Variants in NEDD9 observed in about 807,000 individuals in gnomAD.
NEDD9 encodes the protein enhancer of filamentation 1.
In NEDD9, 26 loss-of-function variants were observed where a neutral mutation model predicts 76.6. The ratio of observed to expected loss-of-function variants is 0.34; its 90% CI spans 0.25 to 0.47. NEDD9 has a LOEUF of 0.47. Ranked by LOEUF, NEDD9 falls within the 20% of genes least tolerant of loss-of-function variation. NEDD9 has a pLI of 1.00. For synonymous variants in NEDD9, 392 were observed against 414.2 expected, an observed-to-expected ratio of 0.95 and a Z score of 0.65; for missense variants, 937 against 1,058.5, an observed-to-expected ratio of 0.89 and a Z score of 1.59.
At chr6:11,272,617 G>A (rs940965910) in intron 3 of NEDD9, among the ~76,000 whole-genome samples, 2 of 152,168 alleles carry the variant, frequency 1.3e-5, no homozygotes, top group African/African-American at 4.8e-5. Flanking sequence ...ATAGTAGAAG[G>A]TGTGTTTCCT....
chr6:11,284,555 G>C (rs1457818724), intron 3 of NEDD9, among the ~76,000 whole-genome samples: 1 of 151,670 alleles, frequency 6.6e-6, no homozygotes, highest in Non-Finnish European at 1.5e-5. Flanking sequence ...GACAGAGCAA[G>C]ACTCTGTCTC....
intron 3 of NEDD9, among the ~76,000 whole-genome samples, chr6:11,294,122 A>G (rs1362789186): frequency 6.6e-6 from 1 of 152,178 alleles, no homozygotes; most frequent in Non-Finnish European, 1.5e-5. Context: ...ATTGTGAATA[A>G]TGTTGTAATG....
intron 3 of NEDD9, chr6:11,259,184 C>G (rs1469756158): frequency 6.6e-6 from 1 of 152,198 alleles, no homozygotes; most frequent in Non-Finnish European, 1.5e-5. Context: ...TCGCTGATAA[C>G]CTTGCAGGGA....
At chr6:11,284,862 T>C (rs1339875232) in intron 3 of NEDD9, among the ~76,000 whole-genome samples, 1 of 151,608 alleles carries the variant, frequency 6.6e-6, no homozygotes, top group Admixed American at 6.6e-5. Context: ...TTAGTTCTTA[T>C]ATGACAAGAA....
intron 3 of NEDD9, among the ~76,000 whole-genome samples, chr6:11,264,092 G>A (rs1192208080): frequency 2.0e-5 from 3 of 152,242 alleles, no homozygotes; most frequent in Non-Finnish European, 4.4e-5. Context: ...TTCCCCGGAT[G>A]TGGAAGGCAG....
At chr6:11,360,476 T>C (rs917463516) in intron 1 of NEDD9, among the ~76,000 whole-genome samples, 2 of 152,152 alleles carry the variant, frequency 1.3e-5, no homozygotes, top group Non-Finnish European at 2.9e-5. Context: ...ATGTTGCAGG[T>C]GGGGCCTGGT....
intron 3 of NEDD9, among the ~76,000 whole-genome samples, chr6:11,300,060 C>T (rs1761007107): frequency 6.6e-6 from 1 of 152,174 alleles, no homozygotes; most frequent in Admixed American, 6.5e-5. Flanking sequence ...TAACAAACTT[C>T]TCTGAGCTAA....
chr6:11,260,075 A>T (rs1561809043), intron 3 of NEDD9, among the ~76,000 whole-genome samples: 1 of 152,198 alleles, frequency 6.6e-6, no homozygotes, highest in Non-Finnish European at 1.5e-5. Flanking sequence ...CTTTCTTTTA[A>T]AATACAAATA....
intron 3 of NEDD9, among the ~76,000 whole-genome samples, chr6:11,265,393 G>A (rs1007804816): frequency 3.3e-5 from 5 of 152,102 alleles, no homozygotes; most frequent in Non-Finnish European, 5.9e-5. Context: ...TGGTTTTCTC[G>A]ATGACTTGAA....
chr6:11,190,928 T>C lies in NEDD9; in HGVS notation c.941A>G (p.Asn314Ser), dbSNP rs1263653722. 6.2e-7 allele frequency: 1 copy of C among 1,614,066 alleles called. No individual in the cohort carries two copies. Among genetic ancestry groups the C allele is most frequent in the Non-Finnish European group, 8.5e-7 (1 of 1,180,014 alleles). The change falls in exon 5 of 7, where the codon AAC becomes AGC. Residue 314 changes from asparagine to serine, a missense_variant. By Grantham distance (46) the Asn-to-Ser change is conservative (BLOSUM62 1). Transcript: ENST00000379446. The surrounding 1 kb of genome is among the most constrained non-coding windows in gnomAD (Gnocchi z 5.8). ...PQLGQSVGSQNDAYDVPRGVQ... is the reference protein window; with the variant it reads ...PQLGQSVGSQSDAYDVPRGVQ... ...GCCTCGGGGGACATCATATGCGTCG[T>C]TCTGAGAGCCCACTGACTGTCCGAG...
chr6:11,208,582 A>G (rs361521), intron 2 of NEDD9, among the ~76,000 whole-genome samples: 35,604 of 152,204 alleles, frequency 0.23, 5,147 homozygotes, highest in South Asian at 0.45. Flanking sequence ...CTGGGCTGCT[A>G]TCTGTGGGCT....
intron 3 of NEDD9, among the ~76,000 whole-genome samples, chr6:11,280,717 G>C (rs1760519424): frequency 6.6e-6 from 1 of 152,228 alleles, no homozygotes; most frequent in African/African-American, 2.4e-5. Flanking sequence ...CTTGACTCCT[G>C]TTGGGGGCCC....
At chr6:11,294,868 C>T (rs1760855177) in intron 3 of NEDD9, among the ~76,000 whole-genome samples, 1 of 152,186 alleles carries the variant, frequency 6.6e-6, no homozygotes, top group South Asian at 2.1e-4. Context: ...ATAATTCCCA[C>T]ATGTTGTGAG....
chr6:11,347,538 A>G (rs571653345), intron 1 of NEDD9, among the ~76,000 whole-genome samples: 1 of 152,366 alleles, frequency 6.6e-6, no homozygotes, highest in Admixed American at 6.5e-5. Flanking sequence ...ACATTGATGC[A>G]TAAGCCCTCA....
chr6:11,368,333 A>G (rs1336587430), intron 1 of NEDD9, among the ~76,000 whole-genome samples: 1 of 152,274 alleles, frequency 6.6e-6, no homozygotes, highest in Non-Finnish European at 1.5e-5. Flanking sequence ...CTTCATTAGC[A>G]CAGAAAAATT....
Position 11,185,418 on chromosome 6 carries a change from A to T in NEDD9, c.2249T>A (p.Ile750Asn). ...GAACACCAGTTTGTGTGCACTGAGG[A>T]TGACAAACTTGCTGTGTGCCACGAA... Reference protein sequence around the residue: ...RIFVAHSKFVILSAHKLVFIG... With the variant: ...RIFVAHSKFVNLSAHKLVFIG... Residue 750 changes from isoleucine (I) to asparagine (N), a missense_variant, in exon 7 of 7, where the codon ATC (isoleucine) becomes AAC (asparagine). Ile to Asn is a moderately radical substitution (Grantham distance 149). Transcript: ENST00000379446. 6.2e-7 allele frequency: 1 copy of T among 1,614,216 alleles called. No individual in the cohort carries two copies. The highest frequency in any genetic ancestry group is 8.5e-7 in the Non-Finnish European group (1 of 1,180,038).
chr6:11,188,237 A>G lies in NEDD9; in HGVS notation c.1976T>C (p.Met659Thr). 6.2e-7 allele frequency: 1 copy of G among 1,614,124 alleles called. No individual in the cohort carries two copies. The highest frequency in any genetic ancestry group is 8.5e-7 in the Non-Finnish European group (1 of 1,179,978). The change falls in exon 6 of 7, where the codon ATG (methionine) becomes ACG (threonine). Residue 659 changes from methionine to threonine, a missense_variant. Coordinates refer to ENST00000379446, the MANE Select transcript of NEDD9 (RefSeq NM_006403.4). ...ACTTACCTGATGATGTTCCAGCTGC[A>G]TCTTGTTCTGTTTCATGATATTCTC... is the stretch of plus-strand genomic sequence containing the variant. ...EKENIMKQNK[M>T]QLEHHQLSQF...
chr6:11,209,510 A>T (rs1316118948), intron 2 of NEDD9, among the ~76,000 whole-genome samples: 1 of 152,228 alleles, frequency 6.6e-6, no homozygotes, highest in Non-Finnish European at 1.5e-5. Flanking sequence ...AAGAAACACA[A>T]CAGGGCTGAT....
intron 1 of NEDD9, among the ~76,000 whole-genome samples, chr6:11,376,321 GA>G (rs1293249382): frequency 1.3e-5 from 2 of 152,222 alleles, no homozygotes; most frequent in Non-Finnish European, 2.9e-5. Flanking sequence ...AAGACAGGAA[GA>G]TGAGGGAAAG....
Sources: gnomAD v4.1 joint callset for allele counts (sites outside exome capture counted in the v4.1 genomes callset) on GRCh38, gnomAD v4.1.1 for gene constraint, Gnocchi (gnomAD v3.1) non-coding constraint, MANE v1.5 for transcripts, NCBI Gene and HGNC (gene_info 2026-07-23, HGNC 2026-07-21) for gene names.